PHACTR4: variants seen among roughly 807,000 people sequenced by gnomAD.
PHACTR4 encodes phosphatase and actin regulator 4, also known as protein phosphatase 1, regulatory subunit 124.
PHACTR4 carries 51 observed loss-of-function variants against 72.7 expected under a neutral mutation model. That is an observed-to-expected ratio of 0.70 (90% CI 0.56 to 0.89). The LOEUF (loss-of-function observed/expected upper bound fraction) is 0.89, where lower values mean the gene tolerates loss of function less well. Ranked by LOEUF, PHACTR4 falls within the 40% of genes least tolerant of loss-of-function variation. PHACTR4 has a pLI of 0.00. For missense variants in PHACTR4, 731 were observed against 861.8 expected (o/e 0.85, Z 1.90); for synonymous variants, 255 against 302.5 (o/e 0.84, Z 1.63).
At position 28,497,129 on chromosome 1, in the gene PHACTR4, C is replaced by G. The variant is rs1258357646; in HGVS notation, c.*580C>G. On this transcript the variant is annotated 3_prime_UTR_variant, in exon 14 of 14. Transcript: ENST00000373839. ...AGCAATACAGTCCTCTTGAGGCACT[C>G]AAGCCTGAGAGGAAGCTCAGGATCT... 4 of 152,358 alleles carry G rather than the reference C, an allele frequency of 2.6e-5. No individual in the cohort carries two copies. Among genetic ancestry groups the G allele is most frequent in the Non-Finnish European group, 4.4e-5 (3 of 68,136 alleles). 9.4% of individuals were successfully genotyped at this position (152,358 alleles called of 1,614,324 possible). A position where few individuals can be genotyped will look rare whatever the true frequency, so the allele number is the denominator to read the frequency against.
Position 28,491,062 on chromosome 1 carries a change from C to A in PHACTR4, c.1878+50C>A, listed in dbSNP as rs1164456442. The stretch of plus-strand genomic sequence containing the variant: ...AACTATATGTGTTATATTTGGATGG[C>A]CTATTTGATTGGAAATGAATTCACA... On this transcript the variant is annotated intron_variant, in intron 11 of 13. Transcript: ENST00000373839. The A allele has an allele frequency of 7.1e-6, 11 of 1,549,966 alleles. No individual in the cohort carries two copies. The East Asian group carries it at 2.5e-4, about 35-fold the overall frequency.
At chr1:28,383,974 G>A (rs1327847058) in intron 1 of PHACTR4, among the ~76,000 whole-genome samples, 1 of 152,142 alleles carries the variant, frequency 6.6e-6, no homozygotes, top group Admixed American at 6.6e-5. Flanking sequence ...TTACGAATTT[G>A]CATATGTTGA....
chr1:28,483,798 CAAAAAA>C (rs991081654), intron 9 of PHACTR4, among the ~76,000 whole-genome samples: 1 of 71,010 alleles, frequency 1.4e-5, no homozygotes, highest in African/African-American at 4.7e-5. Context: ...GACTCCGTCT[CAAAAAA>C]AAAAAAAAAA....
chr1:28,402,733 T>G (rs557627200), intron 1 of PHACTR4, among the ~76,000 whole-genome samples: 278 of 152,288 alleles, frequency 1.8e-3, no homozygotes, highest in Middle Eastern at 3.4e-3. Flanking sequence ...GTCCAGTTAG[T>G]GGAAACACAA....
chr1:28,378,502 C>T (rs935795645), intron 1 of PHACTR4, among the ~76,000 whole-genome samples: 1 of 143,364 alleles, frequency 7.0e-6, no homozygotes, highest in African/African-American at 2.6e-5. Context: ...GACTTCATCT[C>T]AAAAAAAAAG....
intron 9 of PHACTR4, among the ~76,000 whole-genome samples, chr1:28,484,710 G>A (rs1660520355): frequency 6.6e-6 from 1 of 151,240 alleles, no homozygotes; most frequent in South Asian, 2.1e-4. Context: ...GCTCATGCCT[G>A]TAATCCCAGC....
chr1:28,440,824 C>T (rs1656974147), intron 2 of PHACTR4, among the ~76,000 whole-genome samples: 1 of 152,246 alleles, frequency 6.6e-6, no homozygotes, highest in East Asian at 1.9e-4. Flanking sequence ...TTTCACCAAA[C>T]AACAGTTTCT....
intron 2 of PHACTR4, among the ~76,000 whole-genome samples, chr1:28,423,503 C>T (rs1203040725): frequency 2.6e-5 from 4 of 152,100 alleles, no homozygotes; most frequent in African/African-American, 9.7e-5. Flanking sequence ...AATAATAATG[C>T]TCCATGTAGC....
At chr1:28,441,444 A>G (rs1013919276) in intron 2 of PHACTR4, among the ~76,000 whole-genome samples, 1 of 152,192 alleles carries the variant, frequency 6.6e-6, no homozygotes, top group African/African-American at 2.4e-5. Context: ...GGCCAGCGCT[A>G]TTAACCAAAG....
chr1:28,468,946 A>C (rs1659388760), intron 6 of PHACTR4, among the ~76,000 whole-genome samples: 1 of 152,180 alleles, frequency 6.6e-6, no homozygotes, highest in Non-Finnish European at 1.5e-5. Context: ...CCCTGGACTA[A>C]ACTGCAGAGC....
At chr1:28,496,025 T>G (rs943628942) in intron 13 of PHACTR4, among the ~76,000 whole-genome samples, 10 of 150,218 alleles carry the variant, frequency 6.7e-5, no homozygotes, top group Non-Finnish European at 1.3e-4. Flanking sequence ...GAAAAGATAG[T>G]GTTACAGAAG....
In PHACTR4 at chr1:28,465,820, T is replaced by A; in HGVS notation, c.407T>A (p.Ile136Asn). The A allele has an allele frequency of 3.7e-6, 6 of 1,612,530 alleles. No homozygotes were observed. In the South Asian group the frequency reaches 6.6e-5, roughly 18 times the overall value. ...AGATTAGCAAGTCTTAGGAAAGCTA[T>A]TCCAGAAGAGGACCTAAAGAAACGA... ...PVRLASLRKA[I>N]PEEDLKKRLG... Residue 136 changes from isoleucine (I) to asparagine (N), a missense_variant, in exon 5 of 14, where the codon ATT (isoleucine) becomes AAT (asparagine). Physicochemically the swap from Ile to Asn is moderately radical, Grantham distance 149. Around this residue, in one of 2 missense-constraint regions of PHACTR4, gnomAD observed 621 missense variants for 676.6 expected, o/e 0.92. Coordinates refer to ENST00000373839, the MANE Select transcript of PHACTR4 (RefSeq NM_001048183.3).
At chr1:28,482,987 C>G (rs970273019) in intron 9 of PHACTR4, among the ~76,000 whole-genome samples, 1 of 151,504 alleles carries the variant, frequency 6.6e-6, no homozygotes, top group Non-Finnish European at 1.5e-5. Context: ...TGCTGTACCT[C>G]AGGGCAAGTT....
intron 2 of PHACTR4, among the ~76,000 whole-genome samples, chr1:28,457,660 T>C (rs943258790): frequency 1.3e-5 from 2 of 151,980 alleles, no homozygotes; most frequent in African/African-American, 4.8e-5. Context: ...TAGTGACTAT[T>C]ATGACCTTTT....
intron 8 of PHACTR4, 112 bp downstream of exon 8, chr1:28,476,403 T>A (rs1464140805): frequency 9.9e-6 from 11 of 1,115,478 alleles, no homozygotes; most frequent in Non-Finnish European, 1.2e-5. Flanking sequence ...TCCCATTAAG[T>A]CATCTGGCTA....
intron 1 of PHACTR4, among the ~76,000 whole-genome samples, chr1:28,378,230 A>G (rs1569735775): frequency 9.8e-6 from 1 of 101,638 alleles, no homozygotes; most frequent in Admixed American, 1.1e-4. Context: ...GGCCAGGCGC[A>G]GTGGCTCACA....
intron 2 of PHACTR4, among the ~76,000 whole-genome samples, chr1:28,416,357 G>T (rs1427820394): frequency 6.6e-6 from 1 of 152,134 alleles, no homozygotes; most frequent in Non-Finnish European, 1.5e-5. Context: ...CTGCCCAGTA[G>T]TAAACACACA....
chr1:28,440,481 C>T (rs1180693541), intron 2 of PHACTR4, among the ~76,000 whole-genome samples: 1 of 126,414 alleles, frequency 7.9e-6, no homozygotes, highest in African/African-American at 3.2e-5. Flanking sequence ...CTGAAAGCTC[C>T]GCCTCCCGGG....
chr1:28,379,768 T>G (rs926459466), intron 1 of PHACTR4, among the ~76,000 whole-genome samples: 1 of 151,498 alleles, frequency 6.6e-6, no homozygotes, highest in Non-Finnish European at 1.5e-5. Flanking sequence ...TTTTTGTATT[T>G]TTAGTAGAGA....
Sources: allele counts gnomAD v4.1 joint callset (sites outside exome capture counted in the v4.1 genomes callset), GRCh38; gene constraint gnomAD v4.1.1; regional missense constraint gnomAD v4.1.1; transcripts MANE v1.5; gene names NCBI Gene and HGNC (gene_info 2026-07-23, HGNC 2026-07-21).